ADGRV1: variants seen among roughly 807,000 people sequenced by gnomAD.
The protein encoded by ADGRV1 is G-protein coupled receptor 98.
Under a neutral mutation model 596.2 loss-of-function variants are expected in ADGRV1, and 359 were observed. The observed-to-expected ratio is 0.60, with a 90% CI of 0.55 to 0.66. The LOEUF (loss-of-function observed/expected upper bound fraction) is 0.66. Ranked by LOEUF, ADGRV1 falls within the 30% of genes least tolerant of loss-of-function variation. The probability of loss-of-function intolerance (pLI) is 0.00; values close to 1 mark genes in which losing one functional copy is unlikely to be tolerated. For missense variants in ADGRV1, 7,274 were observed against 7,575.6 expected, an observed-to-expected ratio of 0.96 and a Z score of 1.48; for synonymous variants, 2,681 against 2,679.2, an observed-to-expected ratio of 1.00 and a Z score of -0.02.
rs2149696056 is a variant in ADGRV1 at position 90,706,221 on chromosome 5, A to T, written c.8567-10A>T. Reference sequence around the variant, plus strand: ...TAATTATAAAACATTTTTGCAACCTATTCAATTAGGAGCTATCAATGTCAC... The same window carrying T: ...TAATTATAAAACATTTTTGCAACCTTTTCAATTAGGAGCTATCAATGTCAC... On this transcript the variant is annotated splice_polypyrimidine_tract_variant and intron_variant, in intron 37 of 89. Coordinates refer to ENST00000405460, the MANE Select transcript of ADGRV1 (RefSeq NM_032119.4). 1.3e-6 allele frequency: 2 copies of T among 1,589,322 alleles called. No individual in the cohort carries two copies. Among genetic ancestry groups the T allele is most frequent in the South Asian group, 2.3e-5 (2 of 85,486 alleles).
intron 85 of ADGRV1, among the ~76,000 whole-genome samples, chr5:91,042,676 C>A (rs1314139689): frequency 2.0e-5 from 3 of 152,100 alleles, no homozygotes; most frequent in African/African-American, 7.2e-5. Context: ...AATTGAGTTT[C>A]AGTATTAGAA....
chr5:90,662,524 C>T (rs975610734), intron 21 of ADGRV1, among the ~76,000 whole-genome samples: 1 of 151,838 alleles, frequency 6.6e-6, no homozygotes, highest in South Asian at 2.1e-4. Context: ...AAACCTCAGG[C>T]GTTATGTTAT....
chr5:90,843,903 G>A (rs953029506), intron 78 of ADGRV1, among the ~76,000 whole-genome samples: 1 of 152,044 alleles, frequency 6.6e-6, no homozygotes, highest in Non-Finnish European at 1.5e-5. Flanking sequence ...TTTAAGCATA[G>A]CAATAATAAT....
At chr5:90,912,528 C>T (rs1389492775) in intron 83 of ADGRV1, among the ~76,000 whole-genome samples, 1 of 152,154 alleles carries the variant, frequency 6.6e-6, no homozygotes, top group Admixed American at 6.5e-5. Flanking sequence ...TCAACACTTT[C>T]TCCCCTCCCT....
At chr5:90,875,127 C>G (rs558605126) in intron 83 of ADGRV1, among the ~76,000 whole-genome samples, 1 of 152,074 alleles carries the variant, frequency 6.6e-6, no homozygotes, top group Non-Finnish European at 1.5e-5. Context: ...CTGCAGTGAG[C>G]TATGATTGTG....
intron 83 of ADGRV1, among the ~76,000 whole-genome samples, chr5:90,881,955 G>A (rs1427603588): frequency 3.3e-5 from 5 of 151,972 alleles, no homozygotes; most frequent in Admixed American, 2.0e-4. Flanking sequence ...GCAAACTGCC[G>A]GCTTCAGCCT....
chr5:91,063,476 A>G (rs887549416), intron 85 of ADGRV1, among the ~76,000 whole-genome samples: 3 of 152,154 alleles, frequency 2.0e-5, no homozygotes, highest in African/African-American at 4.8e-5. Context: ...AATATATAGT[A>G]ATTCCCTATC....
chr5:90,978,079 G>A (rs1189359867), intron 84 of ADGRV1, among the ~76,000 whole-genome samples: 1 of 152,012 alleles, frequency 6.6e-6, no homozygotes, highest in Admixed American at 6.6e-5. Flanking sequence ...GGGGGATCAT[G>A]AGGTCAGGAG....
At chr5:91,141,773 G>A (rs569278306) in intron 87 of ADGRV1, among the ~76,000 whole-genome samples, 4 of 152,338 alleles carry the variant, frequency 2.6e-5, no homozygotes, top group Admixed American at 2.6e-4. Flanking sequence ...CCCAAGAGCT[G>A]TTTGAAGCCA....
In ADGRV1 at chr5:90,618,870, A is replaced by G. The variant is rs1673379; in HGVS notation, c.358-216A>G. Among the ~76,000 whole-genome samples the G allele has an allele frequency of 0.32, 48,496 of 151,652 alleles. 7,988 individuals carry two copies. The highest frequency in any genetic ancestry group is 0.36 in the African/African-American group (14,947 of 41,394). ...TATCATATATTATTAAGAGTCAGTGACTAATGGTTTTCAAAACTTTTTTGA... is the reference window on the plus strand; with the variant it reads ...TATCATATATTATTAAGAGTCAGTGGCTAATGGTTTTCAAAACTTTTTTGA... On this transcript the variant is annotated intron_variant, in intron 3 of 89. Transcript: ENST00000405460.
chr5:90,615,271 T>C (rs1318116075), intron 2 of ADGRV1, among the ~76,000 whole-genome samples: 1 of 151,962 alleles, frequency 6.6e-6, no homozygotes, highest in Non-Finnish European at 1.5e-5. Context: ...ATATATTTAT[T>C]TTAGAACAAG....
In ADGRV1 at chr5:90,810,667, C is replaced by T. The variant is rs867467575; in HGVS notation, c.15407C>T (p.Ser5136Phe). 1 of 1,613,880 alleles carries T rather than the reference C, an allele frequency of 6.2e-7. No homozygotes were observed. The highest frequency in any genetic ancestry group is 1.1e-5 in the South Asian group (1 of 91,062). ...GATGACCTGGCAGGAATGGATATTT[C>T]CTTCCCCGAGACAACTGTGGCTGTA... ...DNDDLAGMDI[S>F]FPETTVAVAV... Residue 5136 changes from serine to phenylalanine, a missense_variant, in exon 74 of 90, where the codon TCC becomes TTC. This residue lies in a region of ADGRV1 where 1,874 missense variants were observed against 1,970.2 expected (regional missense o/e 0.95). Transcript: ENST00000405460.
intron 83 of ADGRV1, among the ~76,000 whole-genome samples, chr5:90,889,842 C>T (rs1008288140): frequency 2.0e-5 from 3 of 152,074 alleles, no homozygotes; most frequent in African/African-American, 4.8e-5. Flanking sequence ...TGTACTGACA[C>T]ATTTGATAGG....
chr5:91,037,490 G>A (rs924534460), intron 85 of ADGRV1, among the ~76,000 whole-genome samples: 1 of 152,162 alleles, frequency 6.6e-6, no homozygotes, highest in Non-Finnish European at 1.5e-5. Context: ...TTAGGAGAGG[G>A]GGGATAAAGT....
At chr5:90,910,084 G>A (rs1227495505) in intron 83 of ADGRV1, among the ~76,000 whole-genome samples, 5 of 152,196 alleles carry the variant, frequency 3.3e-5, no homozygotes. Context: ...AGGTATTGCT[G>A]TTTATGCGTG....
Position 90,745,210 on chromosome 5 carries a change from C to T in ADGRV1, c.10714C>T (p.His3572Tyr). 1.2e-6 allele frequency: 2 copies of T among 1,611,598 alleles called. No homozygotes were observed. The highest frequency in any genetic ancestry group is 1.7e-6 in the Non-Finnish European group (2 of 1,179,518). ...GAATTTAATAGCTCTAGTGGGAGCT[C>T]ATTCACATATATATGAGCTAGCCTA... ...SKNLIALVGA[H>Y]SHIYELAYIS... is the part of the protein sequence containing the mutation. The change falls in exon 51 of 90, where the codon CAT becomes TAT. Residue 3572 changes from histidine to tyrosine, a missense_variant. Physicochemically the swap from His to Tyr is moderately conservative, Grantham distance 83. Transcript: ENST00000405460.
chr5:90,870,931 G>A (rs1270199040), intron 83 of ADGRV1, among the ~76,000 whole-genome samples: 2 of 152,090 alleles, frequency 1.3e-5, no homozygotes, highest in African/African-American at 4.8e-5. Flanking sequence ...AATTTTTTAG[G>A]TCTAGGCAAG....
intron 89 of ADGRV1, among the ~76,000 whole-genome samples, chr5:91,153,880 T>C (rs945225763): frequency 2.0e-5 from 3 of 152,224 alleles, no homozygotes; most frequent in Non-Finnish European, 2.9e-5. Context: ...CACTCAACTT[T>C]GACCCCAGTG....
intron 50 of ADGRV1, among the ~76,000 whole-genome samples, chr5:90,743,308 T>C (rs1754196129): frequency 6.6e-6 from 1 of 152,158 alleles, no homozygotes; most frequent in Non-Finnish European, 1.5e-5. Context: ...AGTGTGATAG[T>C]ATTTAAGTCC....
Sources: allele counts gnomAD v4.1 joint callset (sites outside exome capture counted in the v4.1 genomes callset), GRCh38; gene constraint gnomAD v4.1.1; regional missense constraint gnomAD v4.1.1; transcripts MANE v1.5; gene names NCBI Gene and HGNC (gene_info 2026-07-23, HGNC 2026-07-21).